The following ITGA9 variants were observed in gnomAD, a reference collection of about 807,000 sequenced individuals.
The protein encoded by ITGA9 is integrin subunit alpha 9, also known as integrin alpha-9.
Under a neutral mutation model 127.8 loss-of-function variants are expected in ITGA9, and 56 were observed. The observed-to-expected ratio is 0.44, with a 90% CI of 0.35 to 0.55. The LOEUF (loss-of-function observed/expected upper bound fraction) is 0.55. Among genes scored for constraint, ITGA9 ranks in the 20% least tolerant of loss-of-function variants. The pLI is 0.00. For synonymous variants in ITGA9, 508 were observed against 514.5 expected (o/e 0.99, Z 0.17); for missense variants, 1,196 against 1,347.1 (o/e 0.89, Z 1.76).
chr3:37,523,423 G>T, intron 11 of ITGA9, 98 bp from the exon 12 acceptor site: 2 of 945,436 alleles, frequency 2.1e-6, no homozygotes, highest in South Asian at 1.3e-5. Context: ...ACAACTTTAA[G>T]ACCAAGTGTC....
rs115598492 is a variant in ITGA9, at chr3:37,494,147, G to A, written c.545-354G>A. 8.6e-3 allele frequency among the ~76,000 whole-genome samples: 1,309 copies of A among 152,282 alleles called. 13 individuals carry two copies. The highest frequency in any genetic ancestry group is 0.029 in the African/African-American group (1,218 of 41,542). ...CCACATCATTCCATTTCTGGGTCAC[G>A]TTTTCAGCTCCTTGGGCCTGCAAGG... is the stretch of plus-strand genomic sequence containing the variant. On this transcript the variant is annotated intron_variant, in intron 4 of 27. Coordinates refer to ENST00000264741, the MANE Select transcript of ITGA9 (RefSeq NM_002207.3).
At position 37,491,020 on chromosome 3, in the gene ITGA9, A is replaced by G. The variant is rs1036985208; in HGVS notation, c.545-3481A>G. On this transcript the variant is annotated intron_variant, in intron 4 of 27. Coordinates refer to ENST00000264741, the MANE Select transcript of ITGA9 (RefSeq NM_002207.3). ...GAGACCGAATCTGGCTCTGTTGCCC[A>G]GGCTGGAGTGCAGCGGCATGATCGT... is the stretch of plus-strand genomic sequence containing the variant. 1.1e-4 allele frequency among the ~76,000 whole-genome samples: 13 copies of G among 120,546 alleles called. No homozygotes were observed. The South Asian group carries it at 3.8e-3, about 35-fold the overall frequency. 79.1% of individuals were successfully genotyped at this position (120,546 alleles called of 152,430 possible). A position where few individuals can be genotyped will look rare whatever the true frequency, so the allele number is the denominator to read the frequency against.
Position 37,629,575 on chromosome 3 carries a change from T to G in ITGA9, c.1839+239T>G. 1 of 623,920 alleles carries G rather than the reference T, an allele frequency of 1.6e-6. No individual in the cohort carries two copies. Among genetic ancestry groups the G allele is most frequent in the Non-Finnish European group, 2.8e-6 (1 of 352,492 alleles). 38.6% of individuals were successfully genotyped at this position (623,920 alleles called of 1,614,324 possible). A position where few individuals can be genotyped will look rare whatever the true frequency, so the allele number is the denominator to read the frequency against. ...CAGACAATTCTCAGGCTGTTAGAAG[T>G]TACAATCCCCTCGAGTTCGTGAACT... is the stretch of plus-strand genomic sequence containing the variant. On this transcript the variant is annotated intron_variant, in intron 16 of 27. Coordinates refer to ENST00000264741, the MANE Select transcript of ITGA9 (RefSeq NM_002207.3). This position sits in a 1 kb window ranked among gnomAD's most constrained non-coding sequence, Gnocchi z 4.5.
intron 16 of ITGA9, among the ~76,000 whole-genome samples, chr3:37,645,960 T>G (rs759561196): frequency 8.5e-5 from 13 of 152,190 alleles, no homozygotes; most frequent in Non-Finnish European, 5.9e-5. Context: ...CTGAATCACA[T>G]GTCCCCAAAG....
In ITGA9 at chr3:37,544,367, C is replaced by T. The variant is rs542422052; in HGVS notation, c.1689+1782C>T. On this transcript the variant is annotated intron_variant, in intron 15 of 27. Transcript: ENST00000264741. ...AGACTTAGCAAATAAAACTATAGAA[C>T]TCCTAATTAAATCTGAATTTCAGAT... 2.0e-5 allele frequency among the ~76,000 whole-genome samples: 3 copies of T among 152,264 alleles called. No individual in the cohort carries two copies. In the South Asian group the frequency reaches 6.2e-4, roughly 32 times the overall value.
At chr3:37,488,165 C>T (rs887815581) in intron 4 of ITGA9, among the ~76,000 whole-genome samples, 3 of 152,148 alleles carry the variant, frequency 2.0e-5, no homozygotes, top group African/African-American at 4.8e-5. Flanking sequence ...AGGCTGGCCT[C>T]GAACGTCTAG....
chr3:37,679,427 T>C (rs1218439818), intron 17 of ITGA9, among the ~76,000 whole-genome samples: 2 of 152,192 alleles, frequency 1.3e-5, no homozygotes, highest in African/African-American at 4.8e-5. Context: ...CCGACTGAGA[T>C]GGAGTTGATA....
At chr3:37,767,614 A>G (rs1012475696) in intron 23 of ITGA9, among the ~76,000 whole-genome samples, 1 of 152,178 alleles carries the variant, frequency 6.6e-6, no homozygotes, top group Non-Finnish European at 1.5e-5. Context: ...TTGAACACTG[A>G]AGCTAGCAGG....
chr3:37,478,138 C>T (rs1198209382), intron 3 of ITGA9, among the ~76,000 whole-genome samples: 1 of 152,196 alleles, frequency 6.6e-6, no homozygotes, highest in African/African-American at 2.4e-5. Flanking sequence ...CCACTTCCTC[C>T]TCGGTTGGGG....
At chr3:37,724,664 T>G (rs1408738036) in intron 18 of ITGA9, among the ~76,000 whole-genome samples, 1 of 152,072 alleles carries the variant, frequency 6.6e-6, no homozygotes, top group East Asian at 1.9e-4. Context: ...GCCCAGCTAA[T>G]TTTTTGTATT....
intron 15 of ITGA9, among the ~76,000 whole-genome samples, chr3:37,615,128 G>T (rs1429817749): frequency 1.3e-5 from 2 of 152,168 alleles, no homozygotes; most frequent in Admixed American, 6.5e-5. Flanking sequence ...TTGTTATTTT[G>T]AGATAGGTCC....
intron 4 of ITGA9, among the ~76,000 whole-genome samples, chr3:37,490,975 C>CCT (rs548395527): frequency 0.024 from 2,507 of 105,110 alleles, 151 homozygotes; most frequent in African/African-American, 0.083. Context: ...TTCCCCCCCG[C>CCT]TTTTTTTTTT....
At chr3:37,638,302 AG>A (rs1458772504) in intron 16 of ITGA9, among the ~76,000 whole-genome samples, 2 of 152,112 alleles carry the variant, frequency 1.3e-5, no homozygotes, top group African/African-American at 2.4e-5. Context: ...GGTATGTGGC[AG>A]GGGGTTATTA....
rs114405779 is a variant in ITGA9 at position 37,750,803 on chromosome 3, C to T, written c.2541+234C>T. ...TTTGGAGATGGGGAAGAGTTAATTA[C>T]GAACCAGCTCCTGGGATGGACTTCG... On this transcript the variant is annotated intron_variant, in intron 23 of 27. Transcript: ENST00000264741. Among the ~76,000 whole-genome samples the T allele has an allele frequency of 9.9e-3, 1,515 of 152,348 alleles. 15 individuals carry two copies. Among genetic ancestry groups the T allele is most frequent in the Non-Finnish European group, 0.016 (1,093 of 68,030 alleles).
At chr3:37,767,443 T>G (rs1696792568) in intron 23 of ITGA9, among the ~76,000 whole-genome samples, 3 of 152,226 alleles carry the variant, frequency 2.0e-5, no homozygotes, top group African/African-American at 7.2e-5. Flanking sequence ...GGAGAAGACA[T>G]CTAGAGTTAA....
intron 17 of ITGA9, among the ~76,000 whole-genome samples, chr3:37,668,866 C>T (rs1700610439): frequency 6.6e-6 from 1 of 152,214 alleles, no homozygotes; most frequent in South Asian, 2.1e-4. Flanking sequence ...AGTCACTGGC[C>T]ACGGTGAGAC....
At chr3:37,538,817 T>C (rs1460819172) in intron 14 of ITGA9, among the ~76,000 whole-genome samples, 2 of 152,238 alleles carry the variant, frequency 1.3e-5, no homozygotes, top group Non-Finnish European at 2.9e-5. Context: ...CAGTCTGATG[T>C]AGAAGTAATT....
intron 16 of ITGA9, among the ~76,000 whole-genome samples, chr3:37,643,891 C>T (rs1700354602): frequency 5.3e-5 from 8 of 152,116 alleles, no homozygotes. Flanking sequence ...CTGCCCATGT[C>T]TGGTTTAGCA....
chr3:37,609,181 C>T (rs1474660415), intron 15 of ITGA9, among the ~76,000 whole-genome samples: 2 of 152,158 alleles, frequency 1.3e-5, no homozygotes, highest in Non-Finnish European at 2.9e-5. Flanking sequence ...ATTCTCCTCA[C>T]ATACCCCACT....
Sources: allele counts gnomAD v4.1 joint callset (sites outside exome capture counted in the v4.1 genomes callset), GRCh38; gene constraint gnomAD v4.1.1; non-coding constraint Gnocchi (gnomAD v3.1); transcripts MANE v1.5; gene names NCBI Gene and HGNC (gene_info 2026-07-23, HGNC 2026-07-21).